Variants in FRAS1 observed in about 807,000 individuals in gnomAD.
FRAS1 encodes extracellular matrix organizing protein FRAS1.
A neutral mutation model predicts 435.2 loss-of-function variants in FRAS1; 290 were observed. The ratio of observed to expected loss-of-function variants is 0.67; its 90% CI spans 0.61 to 0.73. The LOEUF (loss-of-function observed/expected upper bound fraction) is 0.73, where lower values mean the gene tolerates loss of function less well. FRAS1 is among the 30% of genes least tolerant of loss of function. The probability of loss-of-function intolerance (pLI) is 0.00; values close to 1 mark genes in which losing one functional copy is unlikely to be tolerated. For synonymous variants in FRAS1, 1,800 were observed against 1,851.0 expected, an observed-to-expected ratio of 0.97 and a Z score of 0.71; for missense variants, 4,860 against 5,001.5, an observed-to-expected ratio of 0.97 and a Z score of 0.85.
intron 18 of FRAS1, among the ~76,000 whole-genome samples, chr4:78,327,163 A>G (rs1474744873): frequency 1.3e-5 from 2 of 152,198 alleles, no homozygotes; most frequent in Admixed American, 6.5e-5. Context: ...TTGAGGCTTC[A>G]GAAATCTGTG....
chr4:78,151,161 C>CT (rs1720642640), intron 2 of FRAS1, among the ~76,000 whole-genome samples: 1 of 152,082 alleles, frequency 6.6e-6, no homozygotes, highest in Non-Finnish European at 1.5e-5. Flanking sequence ...CTCACAAACA[C>CT]TGAATTATAC....
intron 9 of FRAS1, among the ~76,000 whole-genome samples, chr4:78,268,844 G>A (rs1395702809): frequency 6.6e-6 from 1 of 152,182 alleles, no homozygotes; most frequent in African/African-American, 2.4e-5. Flanking sequence ...AAAGTGGAGA[G>A]CACTTCAGTA....
intron 18 of FRAS1, among the ~76,000 whole-genome samples, chr4:78,326,532 G>A (rs1022281921): frequency 2.6e-5 from 4 of 152,194 alleles, no homozygotes; most frequent in African/African-American, 9.7e-5. Context: ...GATGAGCTTA[G>A]AAGTAGATGC....
Position 78,513,388 on chromosome 4 carries a change from C to T in FRAS1, c.10014-4C>T. ...AACATTTATTTCTGCCTTTTTCCCC[C>T]TAGAATCCACATTTCGGTGCAGATC... On this transcript the variant is annotated splice_region_variant and splice_polypyrimidine_tract_variant and intron_variant, in intron 64 of 73. Coordinates refer to ENST00000512123, the MANE Select transcript of FRAS1 (RefSeq NM_025074.7). 1.2e-6 allele frequency: 2 copies of T among 1,613,276 alleles called. No individual in the cohort carries two copies. Among genetic ancestry groups the T allele is most frequent in the Non-Finnish European group, 1.7e-6 (2 of 1,179,536 alleles).
At position 78,541,784 on chromosome 4, in the gene FRAS1, C is replaced by T. The variant is rs1273063176; in HGVS notation, c.*660C>T. 6.6e-6 allele frequency: 1 copy of T among 152,140 alleles called. No homozygotes were observed. Among genetic ancestry groups the T allele is most frequent in the Admixed American group, 6.5e-5 (1 of 15,278 alleles). 9.4% of individuals were successfully genotyped at this position (152,140 alleles called of 1,614,324 possible). ...CCTCCTCAGCCACAGAGAACTCCCT[C>T]CTACAAAGGGGGAGACTGAAACCCG... On this transcript the variant is annotated 3_prime_UTR_variant, in exon 74 of 74. Coordinates refer to ENST00000512123, the MANE Select transcript of FRAS1 (RefSeq NM_025074.7).
At chr4:78,180,026 G>A (rs1030818093) in intron 2 of FRAS1, among the ~76,000 whole-genome samples, 15 of 152,196 alleles carry the variant, frequency 9.9e-5, no homozygotes, top group Admixed American at 1.3e-4. Flanking sequence ...TGTGTACTAG[G>A]CACTAGGATA....
At chr4:78,069,030 T>TTA (rs1740199527) in intron 2 of FRAS1, among the ~76,000 whole-genome samples, 1 of 152,202 alleles carries the variant, frequency 6.6e-6, no homozygotes, top group South Asian at 2.1e-4. Context: ...GATTCTCTGA[T>TTA]TATACAACTT....
At chr4:78,102,266 C>A (rs910557510) in intron 2 of FRAS1, among the ~76,000 whole-genome samples, 2 of 152,098 alleles carry the variant, frequency 1.3e-5, no homozygotes, top group Non-Finnish European at 2.9e-5. Flanking sequence ...GAAGAAAGAG[C>A]GAACAGAAAA....
chr4:78,391,130 A>G (rs532443180), intron 29 of FRAS1, among the ~76,000 whole-genome samples: 2 of 152,282 alleles, frequency 1.3e-5, no homozygotes, highest in Non-Finnish European at 2.9e-5. Context: ...GCATCAGATG[A>G]GAAGCCCTTG....
intron 6 of FRAS1, among the ~76,000 whole-genome samples, chr4:78,257,291 C>A (rs973396339): frequency 6.6e-6 from 1 of 152,128 alleles, no homozygotes; most frequent in Non-Finnish European, 1.5e-5. Flanking sequence ...TAATGAGTTA[C>A]ACATTTATAT....
At chr4:78,296,071 T>C (rs1159404409) in intron 14 of FRAS1, among the ~76,000 whole-genome samples, 1 of 151,818 alleles carries the variant, frequency 6.6e-6, no homozygotes, top group Non-Finnish European at 1.5e-5. Context: ...CCTTCTTTCT[T>C]GACTTTTTTT....
intron 65 of FRAS1, among the ~76,000 whole-genome samples, chr4:78,514,179 C>T (rs1366275635): frequency 6.6e-6 from 1 of 152,230 alleles, no homozygotes; most frequent in African/African-American, 2.4e-5. Context: ...CCAGCTGACA[C>T]AGCCAGACCC....
intron 9 of FRAS1, among the ~76,000 whole-genome samples, chr4:78,274,291 G>C (rs891057095): frequency 1.6e-4 from 24 of 150,916 alleles, no homozygotes; most frequent in Admixed American, 1.4e-3. Flanking sequence ...ATTTTTTGAA[G>C]GGTTTTTTGT....
At position 78,272,023 on chromosome 4, in the gene FRAS1, G is replaced by A. The variant is rs112158035; in HGVS notation, c.981+4591G>A. Among the ~76,000 whole-genome samples the A allele has an allele frequency of 1.0e-2, 1,522 of 152,306 alleles. 23 individuals are homozygous for A. Among genetic ancestry groups the A allele is most frequent in the African/African-American group, 0.035 (1,435 of 41,550 alleles). On this transcript the variant is annotated intron_variant, in intron 9 of 73. Coordinates refer to ENST00000512123, the MANE Select transcript of FRAS1 (RefSeq NM_025074.7). The stretch of plus-strand genomic sequence containing the variant: ...ATTGCCATTCTAACTGGTGTGAGAC[G>A]GTATCTCACTGTGGTTTTGATTTGC...
At chr4:78,075,380 A>G (rs1220283279) in intron 2 of FRAS1, among the ~76,000 whole-genome samples, 2 of 152,142 alleles carry the variant, frequency 1.3e-5, no homozygotes, top group Non-Finnish European at 2.9e-5. Flanking sequence ...ACAGGAACTG[A>G]CCTTCCTGGG....
chr4:78,206,098 T>C lies in FRAS1; in HGVS notation c.109-31412T>C, dbSNP rs538162496. ...CACATAGAACCATGTATAATTCTTA[T>C]GTGGCAAAAGGGACTTTGCAGATGA... On this transcript the variant is annotated intron_variant, in intron 2 of 73. Coordinates refer to ENST00000512123, the MANE Select transcript of FRAS1 (RefSeq NM_025074.7). Among the ~76,000 whole-genome samples, 26 of 152,258 alleles carry C rather than the reference T, an allele frequency of 1.7e-4. No homozygotes were observed. In the East Asian group the frequency reaches 4.4e-3, roughly 26 times the overall value.
chr4:78,364,129 G>T, intron 22 of FRAS1, 75 bp downstream of exon 22: 18 of 1,456,172 alleles, frequency 1.2e-5, no homozygotes, highest in Non-Finnish European at 1.7e-5. Flanking sequence ...GAAATGCGAG[G>T]TTCTTACTTC....
chr4:78,079,129 G>A (rs1293167195), intron 2 of FRAS1, among the ~76,000 whole-genome samples: 3 of 152,142 alleles, frequency 2.0e-5, no homozygotes, highest in Non-Finnish European at 4.4e-5. Flanking sequence ...CATTTCTGAG[G>A]TAATGTTAAG....
At chr4:78,463,819 A>G (rs1719442382) in intron 47 of FRAS1, among the ~76,000 whole-genome samples, 1 of 152,230 alleles carries the variant, frequency 6.6e-6, no homozygotes, top group African/African-American at 2.4e-5. Flanking sequence ...ACCATAATTA[A>G]GTTAACATGT....
Sources: allele counts gnomAD v4.1 joint callset (sites outside exome capture counted in the v4.1 genomes callset), GRCh38; gene constraint gnomAD v4.1.1; transcripts MANE v1.5; gene names NCBI Gene and HGNC (gene_info 2026-07-23, HGNC 2026-07-21).